ZPLD1: variants seen among roughly 807,000 people sequenced by gnomAD.
ZPLD1 encodes the protein zona pellucida-like domain-containing protein 1.
A neutral mutation model predicts 47.2 loss-of-function variants in ZPLD1; 34 were observed. The ratio of observed to expected loss-of-function variants is 0.72; its 90% CI spans 0.55 to 0.96. The LOEUF (loss-of-function observed/expected upper bound fraction) is 0.96, where lower values mean the gene tolerates loss of function less well. Among genes scored for constraint, ZPLD1 ranks in the 40% least tolerant of loss-of-function variants. The pLI is 0.00. For synonymous variants in ZPLD1, 176 were observed against 186.2 expected, an observed-to-expected ratio of 0.95 and a Z score of 0.45; for missense variants, 512 against 505.8, an observed-to-expected ratio of 1.01 and a Z score of -0.12.
intron 10 of ZPLD1, among the ~76,000 whole-genome samples, chr3:102,473,549 G>A (rs1009926629): frequency 3.5e-4 from 53 of 152,160 alleles, no homozygotes; most frequent in African/African-American, 1.2e-3. Flanking sequence ...TGCTTTCAGG[G>A]TCCCCTTGAA....
intron 7 of ZPLD1, among the ~76,000 whole-genome samples, chr3:102,397,205 C>T (rs562565770): frequency 5.9e-4 from 89 of 152,136 alleles, no homozygotes; most frequent in African/African-American, 2.1e-3. Context: ...ATACCCAGTG[C>T]CAGCTTCACT....
At chr3:102,448,513 A>G (rs1315346351) in intron 3 of ZPLD1, among the ~76,000 whole-genome samples, 1 of 152,152 alleles carries the variant, frequency 6.6e-6, no homozygotes, top group Non-Finnish European at 1.5e-5. Context: ...GGATGTCTTT[A>G]GTACCTACAA....
intron 7 of ZPLD1, among the ~76,000 whole-genome samples, chr3:102,408,540 G>A (rs1338583368): frequency 2.0e-5 from 3 of 151,830 alleles, no homozygotes; most frequent in Non-Finnish European, 4.4e-5. Context: ...GATTTCTGCA[G>A]AAACTGAGAA....
chr3:102,470,588 T>C, intron 10 of ZPLD1, 86 bp downstream of exon 10: 1 of 1,009,788 alleles, frequency 9.9e-7, no homozygotes, highest in Non-Finnish European at 1.5e-6. Flanking sequence ...TCAAAGTGGT[T>C]CCTAAACAGC....
intron 6 of ZPLD1, among the ~76,000 whole-genome samples, chr3:102,390,129 T>A (rs1706478606): frequency 6.6e-6 from 1 of 152,206 alleles, no homozygotes; most frequent in African/African-American, 2.4e-5. Context: ...GAGTTAGGTC[T>A]CAGTAGTTTC....
intron 7 of ZPLD1, among the ~76,000 whole-genome samples, chr3:102,395,670 G>A (rs929535100): frequency 1.4e-4 from 22 of 152,256 alleles, no homozygotes; most frequent in South Asian, 4.1e-4. Context: ...GGAGTAATTC[G>A]TAACAGAAAA....
chr3:102,432,992 T>C (rs964296500), upstream of ZPLD1, among the ~76,000 whole-genome samples: 3 of 152,234 alleles, frequency 2.0e-5, no homozygotes, highest in Non-Finnish European at 4.4e-5. Context: ...TCCATAGCAC[T>C]TATCACAAAT....
rs771835146 is a variant in ZPLD1, at chr3:102,453,064, T to C, written c.252T>C (p.Asn84=). The C allele has an allele frequency of 2.0e-5, 32 of 1,613,970 alleles. No individual in the cohort carries two copies. The East Asian group carries it at 6.9e-4, about 35-fold the overall frequency. The change falls in exon 4 of 12, where the codon AAT becomes AAC. Residue 84 remains asparagine (N), a synonymous_variant. Coordinates refer to ENST00000466937, the MANE Select transcript of ZPLD1 (RefSeq NM_001329788.2). ...HGDSHCRGFI[N]NNTFPAVVIF... ...ACTCCCACTGCAGAGGGTTCATCAA[T>C]AACAACACCTTTCCAGCAGTGGTCA... is the stretch of plus-strand genomic sequence containing the variant.
Position 102,426,111 on chromosome 3 carries a change from T to TAC in ZPLD1, c.-9+7922_-9+7923dup, listed in dbSNP as rs997937527. On this transcript the variant is annotated intron_variant, in intron 8 of 17. Transcript: ENST00000491959. Reference sequence around the variant, plus strand: ...ATCTTTAACATTTTGACATATTTCCTACACACACACACACACACATGCACA... The same window carrying TAC: ...ATCTTTAACATTTTGACATATTTCCTACACACACACACACACACACATGCACA... 3.1e-3 allele frequency among the ~76,000 whole-genome samples: 446 copies of TAC among 144,212 alleles called. 1 individual carries two copies. The highest frequency in any genetic ancestry group is 6.1e-3 in the East Asian group (31 of 5,044). 94.6% of individuals were successfully genotyped at this position (144,212 alleles called of 152,430 possible). A position where few individuals can be genotyped will look rare whatever the true frequency, so the allele number is the denominator to read the frequency against.
At chr3:102,444,234 A>G (rs1372137017) in intron 3 of ZPLD1, among the ~76,000 whole-genome samples, 1 of 152,194 alleles carries the variant, frequency 6.6e-6, no homozygotes, top group Non-Finnish European at 1.5e-5. Flanking sequence ...AAGTGTGATT[A>G]TAAGTCTGCA....
intron 7 of ZPLD1, among the ~76,000 whole-genome samples, chr3:102,392,879 G>A (rs1706513118): frequency 6.6e-6 from 1 of 152,134 alleles, no homozygotes; most frequent in Admixed American, 6.5e-5. Flanking sequence ...CCATTAAGAT[G>A]TAATAGACTA....
Position 102,476,996 on chromosome 3 carries a change from T to C in ZPLD1, c.1043-16T>C. ...AGAGATGATGTCACTTCTCTTTTTCTGTTTTTTCCCCTCAGATGAGACTCC... is the reference window on the plus strand; with the variant it reads ...AGAGATGATGTCACTTCTCTTTTTCCGTTTTTTCCCCTCAGATGAGACTCC... On this transcript the variant is annotated splice_polypyrimidine_tract_variant and intron_variant, in intron 10 of 11. Transcript: ENST00000466937. 1.2e-6 allele frequency: 2 copies of C among 1,613,160 alleles called. No homozygotes were observed. Among genetic ancestry groups the C allele is most frequent in the Non-Finnish European group, 1.7e-6 (2 of 1,179,284 alleles).
intron 3 of ZPLD1, among the ~76,000 whole-genome samples, chr3:102,446,680 T>C (rs1476291314): frequency 6.6e-6 from 1 of 152,224 alleles, no homozygotes; most frequent in Non-Finnish European, 1.5e-5. Flanking sequence ...AATCACTTCC[T>C]TATAGAATCT....
intron 1 of ZPLD1, among the ~76,000 whole-genome samples, chr3:102,436,460 A>G (rs1707092696): frequency 6.6e-6 from 1 of 152,354 alleles, no homozygotes; most frequent in African/African-American, 2.4e-5. Context: ...AAAGATACAC[A>G]AAGTAAAAAG....
At chr3:102,474,633 A>T (rs1175853211) in intron 10 of ZPLD1, among the ~76,000 whole-genome samples, 3 of 152,200 alleles carry the variant, frequency 2.0e-5, no homozygotes, top group Non-Finnish European at 4.4e-5. Flanking sequence ...TAAGAGAAAA[A>T]AATTATTCTG....
At chr3:102,473,791 C>T (rs1399552125) in intron 10 of ZPLD1, among the ~76,000 whole-genome samples, 5 of 152,140 alleles carry the variant, frequency 3.3e-5, no homozygotes, top group Admixed American at 3.3e-4. Context: ...CCTGTGCAAA[C>T]TTCATGTTCA....
rs550684962 is a variant in ZPLD1, at chr3:102,424,669, C to T, written c.-9+6462C>T. ...GCTTTTATACTTTTTGACTATGACTCACAGTAAGATATGTTACATAGTGAT... is the reference window on the plus strand; with the variant it reads ...GCTTTTATACTTTTTGACTATGACTTACAGTAAGATATGTTACATAGTGAT... On this transcript the variant is annotated intron_variant, in intron 8 of 17. Coordinates refer to the ZPLD1 transcript ENST00000491959. Among the ~76,000 whole-genome samples, 4 of 152,210 alleles carry T rather than the reference C, an allele frequency of 2.6e-5. No homozygotes were observed. In the South Asian group the frequency reaches 8.3e-4, roughly 32 times the overall value.
intron 1 of ZPLD1, among the ~76,000 whole-genome samples, chr3:102,435,752 C>T (rs148271514): frequency 0.013 from 1,906 of 151,860 alleles, 46 homozygotes; most frequent in African/African-American, 0.043. Flanking sequence ...ACCCCATTCT[C>T]CTGCCTCAGC....
chr3:102,405,963 A>C (rs946543486), intron 7 of ZPLD1, among the ~76,000 whole-genome samples: 1 of 151,980 alleles, frequency 6.6e-6, no homozygotes, highest in Non-Finnish European at 1.5e-5. Flanking sequence ...ATTCTACATC[A>C]CTTAAAAGCT....
Sources: gnomAD v4.1 joint callset for allele counts (sites outside exome capture counted in the v4.1 genomes callset) on GRCh38, gnomAD v4.1.1 for gene constraint, MANE v1.5 for transcripts, NCBI Gene and HGNC (gene_info 2026-07-23, HGNC 2026-07-21) for gene names.